Variants in TTC28 observed in about 807,000 individuals in gnomAD.
The protein encoded by TTC28 is tetratricopeptide repeat domain 28, also known as tetratricopeptide repeat protein 28.
Under a neutral mutation model 198.0 loss-of-function variants are expected in TTC28, and 61 were observed. The observed-to-expected ratio is 0.31, with a 90% CI of 0.25 to 0.38. TTC28 has a LOEUF of 0.38. Ranked by LOEUF, TTC28 falls within the 10% of genes least tolerant of loss-of-function variation. TTC28 has a pLI of 1.00. For synonymous variants in TTC28, 1,171 were observed against 1,297.8 expected (o/e 0.90, Z 2.10); for missense variants, 2,678 against 3,164.0 (o/e 0.85, Z 3.69).
At chr22:28,032,187 TAAA>T (rs1194674499) in intron 12 of TTC28, among the ~76,000 whole-genome samples, 2 of 72,886 alleles carry the variant, frequency 2.7e-5, no homozygotes, top group African/African-American at 6.2e-5. Context: ...TATATATATA[TAAA>T]ATATATATAT....
At chr22:28,239,125 T>C (rs1350908842) in intron 5 of TTC28, among the ~76,000 whole-genome samples, 1 of 152,172 alleles carries the variant, frequency 6.6e-6, no homozygotes, top group Non-Finnish European at 1.5e-5. Context: ...ACCAATGTTG[T>C]AGTTGTTTAC....
chr22:28,128,984 G>A (rs1178011240), intron 6 of TTC28, among the ~76,000 whole-genome samples: 2 of 152,194 alleles, frequency 1.3e-5, no homozygotes, highest in African/African-American at 4.8e-5. Context: ...TCAGAGAACT[G>A]TGCTCATAAA....
At chr22:28,510,350 A>G (rs1227320585) in intron 2 of TTC28, among the ~76,000 whole-genome samples, 1 of 152,230 alleles carries the variant, frequency 6.6e-6, no homozygotes, top group Non-Finnish European at 1.5e-5. Context: ...CCTGGGATGC[A>G]AGGTTGGTTC....
intron 5 of TTC28, among the ~76,000 whole-genome samples, chr22:28,294,259 C>T (rs2044845699): frequency 6.6e-6 from 1 of 152,122 alleles, no homozygotes; most frequent in Middle Eastern, 3.4e-3. Flanking sequence ...GAATGGGTAC[C>T]AGTATTACTT....
At position 28,113,501 on chromosome 22, in the gene TTC28, G is replaced by A. The variant is rs568155115; in HGVS notation, c.1442-5098C>T. ...CTCCAGTGAGAGGAAGTGAGTTAGT[G>A]GCAGAACTGAGGCAAGGACTCTCAG... On this transcript the variant is annotated intron_variant, in intron 6 of 22. Transcript: ENST00000397906. Among the ~76,000 whole-genome samples the A allele has an allele frequency of 2.0e-5, 3 of 152,312 alleles. No homozygotes were observed. The East Asian group carries it at 5.8e-4, about 29-fold the overall frequency.
intron 6 of TTC28, among the ~76,000 whole-genome samples, chr22:28,143,328 G>C (rs1601378233): frequency 6.6e-6 from 1 of 152,178 alleles, no homozygotes; most frequent in African/African-American, 2.4e-5. Context: ...CTTACAGTCA[G>C]AAAAGGTCAA....
At chr22:28,284,612 C>A (rs1477016417) in intron 5 of TTC28, among the ~76,000 whole-genome samples, 4 of 151,808 alleles carry the variant, frequency 2.6e-5, no homozygotes, top group Admixed American at 1.3e-4. Context: ...TTATAAAATA[C>A]ATATTATATA....
intron 2 of TTC28, among the ~76,000 whole-genome samples, chr22:28,408,620 AC>A (rs2047034865): frequency 2.6e-5 from 4 of 152,114 alleles, no homozygotes; most frequent in African/African-American, 9.7e-5. Flanking sequence ...TGAACTCCTG[AC>A]CTCATGATCC....
At chr22:28,368,128 C>A (rs181468259) in intron 2 of TTC28, among the ~76,000 whole-genome samples, 125 of 152,114 alleles carry the variant, frequency 8.2e-4, no homozygotes, top group African/African-American at 2.8e-3. Context: ...GCCAATATCT[C>A]TGATAAATAT....
chr22:28,559,629 C>A (rs1046203493), intron 2 of TTC28, among the ~76,000 whole-genome samples: 1 of 152,198 alleles, frequency 6.6e-6, no homozygotes, highest in Admixed American at 6.5e-5. Context: ...CATCCTATAA[C>A]CAAAGTGGTC....
At position 28,148,883 on chromosome 22, in the gene TTC28, G is replaced by T. The variant is rs116047987; in HGVS notation, c.1441+14209C>A. On this transcript the variant is annotated intron_variant, in intron 6 of 22. Transcript: ENST00000397906. ...ATAGATGAACATAGTAAATATGAAA[G>T]ATATGGGTAATTATTTGAACTTTAC... Among the ~76,000 whole-genome samples the T allele has an allele frequency of 1.5e-4, 23 of 152,226 alleles. No homozygotes were observed. In the South Asian group the frequency reaches 4.8e-3, roughly 32 times the overall value.
rs776977312 is a variant in TTC28, at chr22:28,163,277, T to C, written c.1256A>G (p.Tyr419Cys). The C allele has an allele frequency of 1.0e-5, 16 of 1,551,758 alleles. No individual in the cohort carries two copies. The highest frequency in any genetic ancestry group is 1.4e-5 in the Non-Finnish European group (16 of 1,147,028). Reference protein sequence around the residue: ...NFDKAMSYHNYVLELAQELME... With the variant: ...NFDKAMSYHNCVLELAQELME... The stretch of plus-strand genomic sequence containing the variant: ...CAACTCCTGTGCCAGCTCCAGGACA[T>C]AGTTATGGTAAGACATGGCCTTGTC... The change falls in exon 6 of 23, where the codon TAT (tyrosine) becomes TGT (cysteine). Residue 419 changes from tyrosine to cysteine, a missense_variant. This residue lies in a region of TTC28 where 775 missense variants were observed against 845.9 expected (regional missense o/e 0.92). Transcript: ENST00000397906.
intron 13 of TTC28, among the ~76,000 whole-genome samples, chr22:28,021,720 C>T (rs1938609539): frequency 6.6e-6 from 1 of 152,194 alleles, no homozygotes; most frequent in South Asian, 2.1e-4. Context: ...TCCTTTCTGC[C>T]TCTTCCCTGT....
At chr22:28,212,410 G>C (rs892032307) in intron 5 of TTC28, among the ~76,000 whole-genome samples, 1 of 136,978 alleles carries the variant, frequency 7.3e-6, no homozygotes, top group Non-Finnish European at 1.6e-5. Context: ...AGAGAGAAGA[G>C]TCAAATAGAT....
intron 2 of TTC28, among the ~76,000 whole-genome samples, chr22:28,413,106 C>G (rs910173101): frequency 6.6e-6 from 1 of 152,156 alleles, no homozygotes; most frequent in Admixed American, 6.5e-5. Flanking sequence ...ATCCAGGCAT[C>G]GAAATGCCTA....
intron 2 of TTC28, among the ~76,000 whole-genome samples, chr22:28,404,306 G>A (rs1292646899): frequency 6.6e-6 from 1 of 152,066 alleles, no homozygotes. Context: ...TTTTAATAGA[G>A]ATGGGGTTTC....
At chr22:28,236,316 A>G (rs1389233625) in intron 5 of TTC28, among the ~76,000 whole-genome samples, 2 of 152,216 alleles carry the variant, frequency 1.3e-5, no homozygotes, top group East Asian at 3.8e-4. Flanking sequence ...CATAATGTCC[A>G]TCCTGTATTA....
chr22:28,089,585 A>G (rs1180302836), intron 12 of TTC28, among the ~76,000 whole-genome samples: 2 of 151,730 alleles, frequency 1.3e-5, no homozygotes, highest in Non-Finnish European at 2.9e-5. Flanking sequence ...TACTGGGTGC[A>G]GCACACCAGC....
At chr22:28,442,527 A>C (rs1369803474) in intron 2 of TTC28, among the ~76,000 whole-genome samples, 1 of 152,222 alleles carries the variant, frequency 6.6e-6, no homozygotes, top group Non-Finnish European at 1.5e-5. Flanking sequence ...TGCAGCCTCA[A>C]ATCCACTCCC....
Sources: allele counts gnomAD v4.1 joint callset (sites outside exome capture counted in the v4.1 genomes callset), GRCh38; gene constraint gnomAD v4.1.1; regional missense constraint gnomAD v4.1.1; transcripts MANE v1.5; gene names NCBI Gene and HGNC (gene_info 2026-07-23, HGNC 2026-07-21).